Variants in ARFGEF2 observed in about 807,000 individuals in gnomAD.
ARFGEF2 encodes the protein ARF guanine nucleotide exchange factor 2, also known as brefeldin A-inhibited guanine nucleotide-exchange protein 2.
Under a neutral mutation model 219.9 loss-of-function variants are expected in ARFGEF2, and 74 were observed. The ratio of observed to expected loss-of-function variants is 0.34; its 90% CI spans 0.28 to 0.41. The LOEUF (loss-of-function observed/expected upper bound fraction) is 0.41, where lower values mean the gene tolerates loss of function less well. ARFGEF2 is among the 10% of genes least tolerant of loss of function. ARFGEF2 has a pLI of 1.00. For missense variants in ARFGEF2, 1,743 were observed against 2,218.3 expected (o/e 0.79, Z 4.30); for synonymous variants, 733 against 799.2 (o/e 0.92, Z 1.40).
intron 25 of ARFGEF2, 119 bp downstream of exon 25, chr20:48,998,624 C>T (rs1290266907): frequency 9.8e-7 from 1 of 1,019,362 alleles, no homozygotes; most frequent in Non-Finnish European, 1.5e-6. Flanking sequence ...AATTCATTTT[C>T]CCTGTGCAGT....
chr20:49,013,662 CATT>C lies in ARFGEF2; in HGVS notation c.4019_4021del (p.Ile1340del). 6.2e-7 allele frequency: 1 copy of C among 1,614,178 alleles called. No individual in the cohort carries two copies. The highest frequency in any genetic ancestry group is 8.5e-7 in the Non-Finnish European group (1 of 1,180,030). On this transcript the variant is annotated inframe_deletion, in exon 29 of 39. Coordinates refer to ENST00000371917, the MANE Select transcript of ARFGEF2 (RefSeq NM_006420.3). ...CCATCTTATTCGAACTCTCCTGCATCATTAATAGATGCAAGTTAGATGTACGAA... is the reference window on the plus strand; with the variant it reads ...CCATCTTATTCGAACTCTCCTGCATCAATAGATGCAAGTTAGATGTACGAA...
At chr20:48,949,590 A>T (rs1039578935) in intron 3 of ARFGEF2, among the ~76,000 whole-genome samples, 13 of 152,112 alleles carry the variant, frequency 8.5e-5, no homozygotes, top group African/African-American at 3.1e-4. Flanking sequence ...TCCATCCAGT[A>T]GTATTGCATT....
At chr20:49,022,905 A>G (rs1397142516) in intron 34 of ARFGEF2, 146 bp from the exon 35 acceptor site, 2 of 1,072,800 alleles carry the variant, frequency 1.9e-6, no homozygotes, top group African/African-American at 3.1e-5. Flanking sequence ...ACTTGAAACC[A>G]GGAGTTCAGG....
At chr20:48,999,746 T>TAAAAAAAA (rs761792091) in intron 25 of ARFGEF2, among the ~76,000 whole-genome samples, 1 of 111,408 alleles carries the variant, frequency 9.0e-6, no homozygotes, top group African/African-American at 3.5e-5. Flanking sequence ...GACTCCGTCT[T>TAAAAAAAA]AAAAAAAAAA....
At chr20:48,947,879 A>G (rs969177411) in intron 3 of ARFGEF2, among the ~76,000 whole-genome samples, 3 of 152,190 alleles carry the variant, frequency 2.0e-5, no homozygotes, top group African/African-American at 4.8e-5. Flanking sequence ...AAATAAATAA[A>G]TTACATATAT....
At chr20:48,990,961 A>G in intron 20 of ARFGEF2, 79 bp from the exon 21 acceptor site, 1 of 1,499,532 alleles carries the variant, frequency 6.7e-7, no homozygotes, top group Non-Finnish European at 9.1e-7. Context: ...AGAGAAGCCC[A>G]GTGTGCCAGC....
At chr20:48,986,457 C>A (rs2091326902) in intron 16 of ARFGEF2, among the ~76,000 whole-genome samples, 1 of 151,938 alleles carries the variant, frequency 6.6e-6, no homozygotes, top group African/African-American at 2.4e-5. Flanking sequence ...GGTGAAATCC[C>A]GTCTCTTCCA....
chr20:48,987,619 G>A (rs1005177080), intron 16 of ARFGEF2, among the ~76,000 whole-genome samples: 3 of 152,126 alleles, frequency 2.0e-5, no homozygotes, highest in African/African-American at 7.2e-5. Context: ...GCACTCAAGC[G>A]CTTAGTGTGT....
chr20:48,994,282 C>T (rs1461419436), intron 21 of ARFGEF2, among the ~76,000 whole-genome samples, 169 bp from the exon 22 acceptor site: 1 of 152,144 alleles, frequency 6.6e-6, no homozygotes, highest in African/African-American at 2.4e-5. Context: ...TCCGCCGCCC[C>T]AGTCAAATGC....
chr20:49,014,359 T>C (rs962801835), intron 30 of ARFGEF2, among the ~76,000 whole-genome samples: 2 of 152,040 alleles, frequency 1.3e-5, no homozygotes, highest in Admixed American at 1.3e-4. Flanking sequence ...TATTAAGCCT[T>C]TTTTTTAAAA....
intron 12 of ARFGEF2, among the ~76,000 whole-genome samples, chr20:48,974,552 G>T (rs2091248784): frequency 6.6e-6 from 1 of 151,990 alleles, no homozygotes; most frequent in African/African-American, 2.4e-5. Flanking sequence ...TTGCTGCTGG[G>T]GTGTTTATAA....
intron 1 of ARFGEF2, among the ~76,000 whole-genome samples, chr20:48,930,068 A>C (rs182886906): frequency 2.0e-5 from 3 of 152,224 alleles, no homozygotes; most frequent in African/African-American, 7.2e-5. Flanking sequence ...GTCTTAGTCC[A>C]TTTTGTGCTG....
At chr20:49,031,451 A>G (rs1162013753) in intron 37 of ARFGEF2, among the ~76,000 whole-genome samples, 2 of 150,748 alleles carry the variant, frequency 1.3e-5, no homozygotes, top group African/African-American at 4.9e-5. Flanking sequence ...GCTGTCTCGA[A>G]CTCCTGGCTT....
At chr20:48,975,396 C>T (rs2091254720) in intron 13 of ARFGEF2, among the ~76,000 whole-genome samples, 1 of 152,156 alleles carries the variant, frequency 6.6e-6, no homozygotes, top group East Asian at 1.9e-4. Flanking sequence ...TGTTTTAACA[C>T]CAGTACCACA....
intron 11 of ARFGEF2, among the ~76,000 whole-genome samples, 153 bp from the exon 12 acceptor site, chr20:48,972,992 T>C (rs780658894): frequency 6.6e-6 from 1 of 152,196 alleles, no homozygotes; most frequent in Non-Finnish European, 1.5e-5. Context: ...GTCTTCCAGC[T>C]TCCTAGTACT....
rs574529133 is a variant in ARFGEF2, at chr20:48,943,981, G to A, written c.276+1994G>A. Among the ~76,000 whole-genome samples, 7 of 152,284 alleles carry A rather than the reference G, an allele frequency of 4.6e-5. No individual in the cohort carries two copies. The East Asian group carries it at 1.4e-3, about 29-fold the overall frequency. On this transcript the variant is annotated intron_variant, in intron 3 of 38. Transcript: ENST00000371917. Reference sequence around the variant, plus strand: ...AGGCACAGGACTGCAAAGTGGCAGTGAGCATGCCACATTTTTGGCATCTCT... The same window carrying A: ...AGGCACAGGACTGCAAAGTGGCAGTAAGCATGCCACATTTTTGGCATCTCT...
chr20:49,032,292 C>T, intron 38 of ARFGEF2, 126 bp downstream of exon 38: 1 of 760,042 alleles, frequency 1.3e-6, no homozygotes, highest in Non-Finnish European at 2.4e-6. Flanking sequence ...TAGCACCATT[C>T]TAGATGCATT....
chr20:49,015,707 C>T (rs1468252615), intron 30 of ARFGEF2, among the ~76,000 whole-genome samples: 1 of 152,176 alleles, frequency 6.6e-6, no homozygotes, highest in East Asian at 1.9e-4. Context: ...TCCTATTTCT[C>T]CATATTCATT....
intron 25 of ARFGEF2, among the ~76,000 whole-genome samples, chr20:49,001,054 CTTTTTT>C (rs66754799): frequency 3.3e-5 from 2 of 60,562 alleles, no homozygotes; most frequent in Admixed American, 2.1e-4. Flanking sequence ...CTCAGGAACT[CTTTTTT>C]TTTTTTTTTT....
Sources: gnomAD v4.1 joint callset for allele counts (sites outside exome capture counted in the v4.1 genomes callset) on GRCh38, gnomAD v4.1.1 for gene constraint, MANE v1.5 for transcripts, NCBI Gene and HGNC (gene_info 2026-07-23, HGNC 2026-07-21) for gene names.